Variants in LGR6 observed in about 807,000 individuals in gnomAD.
LGR6 encodes the protein leucine rich repeat containing G protein-coupled receptor 6.
In LGR6, 45 loss-of-function variants were observed where a neutral mutation model predicts 69.4. That is an observed-to-expected ratio of 0.65 (90% CI 0.51 to 0.83). The LOEUF (loss-of-function observed/expected upper bound fraction) is 0.83, where lower values mean the gene tolerates loss of function less well. LGR6 is among the 40% of genes least tolerant of loss of function. The pLI is 0.00. For synonymous variants in LGR6, 538 were observed against 555.0 expected (o/e 0.97, Z 0.43); for missense variants, 1,108 against 1,246.7 (o/e 0.89, Z 1.68).
rs553445705 is a variant in LGR6 at position 202,305,601 on chromosome 1, G to C, written c.1071-83G>C. ...TTCAGCTAATTGACAGGAAAGCACA[G>C]TCCTGGCTAGAGCCCCCCGTCCCCG... On this transcript the variant is annotated intron_variant, in intron 11 of 17. Transcript: ENST00000367278. 5.8e-6 allele frequency: 7 copies of C among 1,201,076 alleles called. No homozygotes were observed. The South Asian group carries it at 8.6e-5, about 15-fold the overall frequency. 74.4% of individuals were successfully genotyped at this position (1,201,076 alleles called of 1,614,324 possible).
At chr1:202,209,124 T>C (rs935883660) in intron 1 of LGR6, among the ~76,000 whole-genome samples, 5 of 152,070 alleles carry the variant, frequency 3.3e-5, no homozygotes, top group African/African-American at 7.2e-5. Context: ...CTCCTTCCTA[T>C]CATAGTGTCC....
intron 3 of LGR6, among the ~76,000 whole-genome samples, chr1:202,233,888 G>C (rs568474961): frequency 6.6e-6 from 1 of 152,138 alleles, no homozygotes; most frequent in African/African-American, 2.4e-5. Flanking sequence ...ACTAAGGCCC[G>C]CGGTTCTTAA....
At chr1:202,204,297 AAC>A (rs1300475184) in intron 1 of LGR6, among the ~76,000 whole-genome samples, 2 of 124,612 alleles carry the variant, frequency 1.6e-5, no homozygotes, top group Non-Finnish European at 1.7e-5. Context: ...CACACCTGCA[AAC>A]ACACACACAC....
At chr1:202,199,862 T>C (rs545583152) in intron 1 of LGR6, among the ~76,000 whole-genome samples, 1 of 152,296 alleles carries the variant, frequency 6.6e-6, no homozygotes, top group Non-Finnish European at 1.5e-5. Context: ...GAGAAGCAAA[T>C]GAGACAAAGA....
chr1:202,214,153 G>C, intron 1 of LGR6: 2 of 1,506,720 alleles, frequency 1.3e-6, no homozygotes, highest in Non-Finnish European at 1.8e-6. Context: ...CCAGGGGCCG[G>C]AATGCGCTTG....
rs1488530439 is a variant in LGR6 at position 202,193,801 on chromosome 1, T to C, written c.-189T>C. 1.4e-5 allele frequency: 4 copies of C among 294,412 alleles called. No individual in the cohort carries two copies. In the East Asian group the frequency reaches 2.3e-4, roughly 17 times the overall value. 18.2% of individuals were successfully genotyped at this position (294,412 alleles called of 1,614,324 possible). A position where few individuals can be genotyped will look rare whatever the true frequency, so the allele number is the denominator to read the frequency against. On this transcript the variant is annotated 5_prime_UTR_variant, in exon 1 of 18. Transcript: ENST00000367278. ...TGTGAAACTGAATAACGAAGATCAC[T>C]CAACAATGCCTGCCCCTCTCTGACT...
chr1:202,299,862 A>G (rs551184939), intron 7 of LGR6, among the ~76,000 whole-genome samples: 2 of 152,344 alleles, frequency 1.3e-5, no homozygotes, highest in Admixed American at 6.5e-5. Flanking sequence ...CGCACAGGTT[A>G]TGTACTTTTC....
intron 4 of LGR6, among the ~76,000 whole-genome samples, chr1:202,261,565 A>G (rs1664238664): frequency 6.6e-6 from 1 of 152,102 alleles, no homozygotes; most frequent in Admixed American, 6.5e-5. Context: ...TGTCTTTATA[A>G]CAGCATGATT....
chr1:202,297,602 G>T (rs1667255892), intron 7 of LGR6, 26 bp downstream of exon 7: 1 of 1,605,380 alleles, frequency 6.2e-7, no homozygotes, highest in East Asian at 2.2e-5. Flanking sequence ...GGTTTCTGTG[G>T]GTGTCCTTCT....
At chr1:202,292,713 C>G (rs1323089812) in intron 6 of LGR6, among the ~76,000 whole-genome samples, 2 of 152,216 alleles carry the variant, frequency 1.3e-5, no homozygotes, top group African/African-American at 4.8e-5. Flanking sequence ...CCAGCACTGC[C>G]CAGTAGAACT....
rs747952963 is a variant in LGR6, at chr1:202,273,461, G to GT, written c.429-2832dup. The stretch of plus-strand genomic sequence containing the variant: ...TTATCAATGTGACCTGTTTTTTTTT[G>GT]TTTTTTTTTTTTTGAGATGGAGTTT... On this transcript the variant is annotated intron_variant, in intron 4 of 17. Coordinates refer to ENST00000367278, the MANE Select transcript of LGR6 (RefSeq NM_001017403.2). 6.3e-3 allele frequency among the ~76,000 whole-genome samples: 894 copies of GT among 140,892 alleles called. 3 individuals are homozygous for GT. The highest frequency in any genetic ancestry group is 8.1e-3 in the Non-Finnish European group (519 of 64,060). 92.4% of individuals were successfully genotyped at this position (140,892 alleles called of 152,430 possible). A position where few individuals can be genotyped will look rare whatever the true frequency, so the allele number is the denominator to read the frequency against.
chr1:202,311,984 C>T (rs753463759), intron 16 of LGR6, among the ~76,000 whole-genome samples: 1 of 152,216 alleles, frequency 6.6e-6, no homozygotes, highest in East Asian at 1.9e-4. Context: ...AGACAGCTGT[C>T]CCCGGGGGAC....
chr1:202,204,726 TTCA>T (rs1659033976), intron 1 of LGR6, among the ~76,000 whole-genome samples: 1 of 89,454 alleles, frequency 1.1e-5, no homozygotes, highest in Non-Finnish European at 2.2e-5. Flanking sequence ...ACACACCTCC[TTCA>T]AACACACACA....
In LGR6 at chr1:202,225,407, ATCT is replaced by A. The variant is rs1660446997; in HGVS notation, c.213-12_213-10del. On this transcript the variant is annotated splice_polypyrimidine_tract_variant and intron_variant, in intron 1 of 17. Transcript: ENST00000367278. Reference sequence around the variant, plus strand: ...TGGGGAGTTCACAGCTCCTTTTTCCATCTTCTCTCCACCAGGGACCTCAGCATG... The same window carrying A: ...TGGGGAGTTCACAGCTCCTTTTTCCATCTCTCCACCAGGGACCTCAGCATG... 6.2e-7 allele frequency: 1 copy of A among 1,612,652 alleles called. No individual in the cohort carries two copies. The highest frequency in any genetic ancestry group is 1.3e-5 in the African/African-American group (1 of 74,948).
chr1:202,295,036 A>G (rs548933487), intron 6 of LGR6, among the ~76,000 whole-genome samples: 1 of 152,306 alleles, frequency 6.6e-6, no homozygotes, highest in South Asian at 2.1e-4. Flanking sequence ...ATGCAATATT[A>G]AGACTTTTCA....
chr1:202,291,861 C>T (rs1042648841), intron 6 of LGR6, among the ~76,000 whole-genome samples: 1 of 152,142 alleles, frequency 6.6e-6, no homozygotes, highest in Non-Finnish European at 1.5e-5. Flanking sequence ...TTACTATTAT[C>T]CTCTATTATT....
chr1:202,238,017 T>C (rs1483640553), intron 4 of LGR6, among the ~76,000 whole-genome samples: 1 of 151,938 alleles, frequency 6.6e-6, no homozygotes, highest in Non-Finnish European at 1.5e-5. Flanking sequence ...ACAGCTATAA[T>C]GTATGATGAT....
intron 4 of LGR6, among the ~76,000 whole-genome samples, chr1:202,242,795 C>G (rs1310632125): frequency 6.6e-6 from 1 of 152,208 alleles, no homozygotes; most frequent in African/African-American, 2.4e-5. Flanking sequence ...GACCTCTGGA[C>G]AAGCCCCCCT....
At chr1:202,241,138 T>C (rs1345451136) in intron 4 of LGR6, among the ~76,000 whole-genome samples, 1 of 152,150 alleles carries the variant, frequency 6.6e-6, no homozygotes, top group African/African-American at 2.4e-5. Context: ...CCCTCCCTGC[T>C]TCCCAAGGCG....
Sources: allele counts gnomAD v4.1 joint callset (sites outside exome capture counted in the v4.1 genomes callset), GRCh38; gene constraint gnomAD v4.1.1; transcripts MANE v1.5; gene names NCBI Gene and HGNC (gene_info 2026-07-23, HGNC 2026-07-21).